The following DNAJC8 variants were observed in gnomAD, a reference collection of about 807,000 sequenced individuals.
DNAJC8 encodes dnaJ homolog subfamily C member 8.
A neutral mutation model predicts 43.2 loss-of-function variants in DNAJC8; 24 were observed. The observed-to-expected ratio is 0.56, with a 90% confidence interval of 0.40 to 0.78. The LOEUF (loss-of-function observed/expected upper bound fraction) is 0.78. Ranked by LOEUF, DNAJC8 falls within the 30% of genes least tolerant of loss-of-function variation. The pLI is 0.00. For missense variants in DNAJC8, 207 were observed against 299.4 expected, an observed-to-expected ratio of 0.69 and a Z score of 2.28; for synonymous variants, 83 against 98.0, an observed-to-expected ratio of 0.85 and a Z score of 0.90.
rs190113790 is a variant in DNAJC8, at chr1:28,200,588, T to C, written c.*660A>G. 1 of 456,488 alleles carries C rather than the reference T, an allele frequency of 2.2e-6. No homozygotes were observed. The highest frequency in any genetic ancestry group is 6.9e-5 in the East Asian group (1 of 14,398). The allele number at this position is 456,488 out of a possible 1,614,324, so 28.3% of individuals were successfully genotyped here. A position where few individuals can be genotyped will look rare whatever the true frequency, so the allele number is the denominator to read the frequency against. On this transcript the variant is annotated 3_prime_UTR_variant, in exon 9 of 9. Coordinates refer to ENST00000263697, the MANE Select transcript of DNAJC8 (RefSeq NM_014280.3). ...ATAAAAATTTATTATACATAAAGAA[T>C]ATTACCACTAACAAATGCAGACAGG...
chr1:28,200,575 T>C lies in DNAJC8; in HGVS notation c.*673A>G, dbSNP rs1432569682. ...CAATGGCTTGGGTATAAAAATTTAT[T>C]ATACATAAAGAATATTACCACTAAC... is the stretch of plus-strand genomic sequence containing the variant. On this transcript the variant is annotated 3_prime_UTR_variant, in exon 9 of 9. Transcript: ENST00000263697. 2 of 456,378 alleles carry C rather than the reference T, an allele frequency of 4.4e-6. No individual in the cohort carries two copies. Among genetic ancestry groups the C allele is most frequent in the East Asian group, 6.9e-5 (1 of 14,410 alleles). The allele number at this position is 456,378 out of a possible 1,614,324, so 28.3% of individuals were successfully genotyped here.
At chr1:28,232,496 C>A (rs1401709393) in intron 1 of DNAJC8, among the ~76,000 whole-genome samples, 2 of 152,148 alleles carry the variant, frequency 1.3e-5, no homozygotes, top group Non-Finnish European at 2.9e-5. Flanking sequence ...TAATGCCTAA[C>A]TGGCATGATA....
chr1:28,209,561 C>T (rs1557706951), intron 5 of DNAJC8, among the ~76,000 whole-genome samples: 1 of 152,162 alleles, frequency 6.6e-6, no homozygotes, highest in Non-Finnish European at 1.5e-5. Context: ...AAAAAGTTTA[C>T]GCCTATCCTC....
In DNAJC8 at chr1:28,200,843, C is replaced by T. The variant is rs1294648062; in HGVS notation, c.*405G>A. On this transcript the variant is annotated 3_prime_UTR_variant, in exon 9 of 9. Coordinates refer to ENST00000263697, the MANE Select transcript of DNAJC8 (RefSeq NM_014280.3). The stretch of plus-strand genomic sequence containing the variant: ...TGAAGCGAAGGGGCTTCCTAAGGTG[C>T]CCCTTCCAGGCTTGTCTCTGAAGTC... 3 of 361,474 alleles carry T rather than the reference C, an allele frequency of 8.3e-6. No homozygotes were observed. The highest frequency in any genetic ancestry group is 1.0e-3 in the Middle Eastern group (1 of 1,004). The allele number at this position is 361,474 out of a possible 1,614,324, so 22.4% of individuals were successfully genotyped here.
intron 1 of DNAJC8, among the ~76,000 whole-genome samples, chr1:28,229,487 A>T (rs982134283): frequency 3.3e-5 from 5 of 152,136 alleles, no homozygotes; most frequent in Non-Finnish European, 7.4e-5. Flanking sequence ...AAGAAAAAAA[A>T]AATAGGCTGG....
intron 6 of DNAJC8, among the ~76,000 whole-genome samples, chr1:28,207,837 C>G (rs2149015825): frequency 1.3e-5 from 2 of 151,964 alleles, no homozygotes; most frequent in South Asian, 4.2e-4. Context: ...GGGTGGATCA[C>G]CTGAGGTCAG....
intron 2 of DNAJC8, among the ~76,000 whole-genome samples, chr1:28,220,308 C>T (rs1397025438): frequency 1.3e-5 from 2 of 152,202 alleles, no homozygotes; most frequent in Non-Finnish European, 1.5e-5. Context: ...CTTTTACCTG[C>T]GGCCGGTCCT....
At chr1:28,216,440 A>T (rs1646855259) in intron 2 of DNAJC8, among the ~76,000 whole-genome samples, 1 of 152,216 alleles carries the variant, frequency 6.6e-6, no homozygotes, top group Admixed American at 6.5e-5. Context: ...AGGATGCCCA[A>T]ATAAAAGAAA....
intron 2 of DNAJC8, among the ~76,000 whole-genome samples, chr1:28,227,929 T>A (rs558670165): frequency 7.2e-5 from 11 of 152,368 alleles, no homozygotes; most frequent in Admixed American, 6.5e-4. Context: ...AGGAAAAGTT[T>A]AAAGCTATAA....
chr1:28,202,574 C>T (rs1235455349), intron 8 of DNAJC8, among the ~76,000 whole-genome samples: 5 of 142,396 alleles, frequency 3.5e-5, no homozygotes, highest in African/African-American at 8.0e-5. Flanking sequence ...CCACCTCACC[C>T]GGCCTTTTTT....
At chr1:28,228,146 C>T (rs1420453720) in intron 2 of DNAJC8, among the ~76,000 whole-genome samples, 14 of 151,804 alleles carry the variant, frequency 9.2e-5, no homozygotes, top group Admixed American at 7.9e-4. Flanking sequence ...GTCAGGAGTT[C>T]GAGACCAGCC....
chr1:28,200,844 C>A lies in DNAJC8; in HGVS notation c.*404G>T. ...GAAGCGAAGGGGCTTCCTAAGGTGC[C>A]CCTTCCAGGCTTGTCTCTGAAGTCA... On this transcript the variant is annotated 3_prime_UTR_variant, in exon 9 of 9. Coordinates refer to ENST00000263697, the MANE Select transcript of DNAJC8 (RefSeq NM_014280.3). 2.8e-6 allele frequency: 1 copy of A among 360,852 alleles called. No homozygotes were observed. The highest frequency in any genetic ancestry group is 5.4e-6 in the Non-Finnish European group (1 of 184,118). The allele number at this position is 360,852 out of a possible 1,614,324, so 22.4% of individuals were successfully genotyped here.
rs1646724501 is a variant in DNAJC8, at chr1:28,200,284, A to G, written c.*964T>C. On this transcript the variant is annotated 3_prime_UTR_variant, in exon 9 of 9. Transcript: ENST00000263697. The stretch of plus-strand genomic sequence containing the variant: ...TAGACTGTGAGCTGGACGCTTTCAT[A>G]TATTACTTCATTTAATCCTCAAAAC... 2.8e-6 allele frequency: 1 copy of G among 357,428 alleles called. No homozygotes were observed. Among genetic ancestry groups the G allele is most frequent in the Non-Finnish European group, 5.5e-6 (1 of 182,458 alleles). 22.1% of individuals were successfully genotyped at this position (357,428 alleles called of 1,614,324 possible).
Position 28,212,197 on chromosome 1 carries a change from ATATATATATATAT to A in DNAJC8, c.238-1573_238-1561del, listed in dbSNP as rs1466226324. Among the ~76,000 whole-genome samples, 48 of 120,980 alleles carry A rather than the reference ATATATATATATAT, an allele frequency of 4.0e-4. 1 individual carries two copies. The highest frequency in any genetic ancestry group is 9.5e-4 in the Admixed American group (11 of 11,524). 79.4% of individuals were successfully genotyped at this position (120,980 alleles called of 152,430 possible). The stretch of plus-strand genomic sequence containing the variant: ...TATATATATATATATATATATATAT[ATATATATATATAT>A]ATATAAATGAAATTAACTATTCAAT... On this transcript the variant is annotated intron_variant, in intron 3 of 8. Coordinates refer to ENST00000263697, the MANE Select transcript of DNAJC8 (RefSeq NM_014280.3).
intron 4 of DNAJC8, chr1:28,210,321 C>A: frequency 3.6e-6 from 2 of 555,418 alleles, no homozygotes; most frequent in South Asian, 2.5e-5. Flanking sequence ...TCTTTATGTT[C>A]AAAGAAAAAA....
intron 2 of DNAJC8, among the ~76,000 whole-genome samples, chr1:28,222,890 A>G (rs1241161077): frequency 6.6e-6 from 1 of 152,150 alleles, no homozygotes; most frequent in African/African-American, 2.4e-5. Flanking sequence ...AAGCAGGGGG[A>G]AAATGTCAGC....
chr1:28,200,983 G>C lies in DNAJC8; in HGVS notation c.*265C>G, dbSNP rs1646729752. ...CAAAACACTGAGTTACAGGCTGTGG[G>C]AAGAGAAGGCAGCACCAATGGTGGC... On this transcript the variant is annotated 3_prime_UTR_variant, in exon 9 of 9. Transcript: ENST00000263697. The C allele has an allele frequency of 2.1e-6, 1 of 474,288 alleles. No individual in the cohort carries two copies. The highest frequency in any genetic ancestry group is 3.4e-5 in the Admixed American group (1 of 29,116). The allele number at this position is 474,288 out of a possible 1,614,324, so 29.4% of individuals were successfully genotyped here.
At chr1:28,217,826 T>C (rs1190079524) in intron 2 of DNAJC8, among the ~76,000 whole-genome samples, 1 of 152,026 alleles carries the variant, frequency 6.6e-6, no homozygotes, top group Non-Finnish European at 1.5e-5. Flanking sequence ...TGATTTCTTT[T>C]TTAAAAATAA....
intron 2 of DNAJC8, among the ~76,000 whole-genome samples, chr1:28,215,365 A>T (rs34634924): frequency 1.2e-3 from 178 of 152,258 alleles, no homozygotes; most frequent in South Asian, 8.7e-3. Flanking sequence ...TAATAACTCA[A>T]AAAAGAAAAA....
Sources: allele counts gnomAD v4.1 joint callset (sites outside exome capture counted in the v4.1 genomes callset), GRCh38; gene constraint gnomAD v4.1.1; transcripts MANE v1.5; gene names NCBI Gene and HGNC (gene_info 2026-07-23, HGNC 2026-07-21).